Variants in NRCAM observed in about 807,000 individuals in gnomAD.
The protein encoded by NRCAM is NgCAM-related cell adhesion molecule.
Under a neutral mutation model 156.5 loss-of-function variants are expected in NRCAM, and 83 were observed. That is an observed-to-expected ratio of 0.53 (90% CI 0.44 to 0.64). NRCAM has a LOEUF of 0.64. Among genes scored for constraint, NRCAM ranks in the 30% least tolerant of loss-of-function variants. The pLI is 0.00. For synonymous variants in NRCAM, 538 were observed against 563.9 expected, an observed-to-expected ratio of 0.95 and a Z score of 0.65; for missense variants, 1,417 against 1,597.3, an observed-to-expected ratio of 0.89 and a Z score of 1.92.
At chr7:108,337,692 C>A (rs1184938511) in intron 2 of NRCAM, among the ~76,000 whole-genome samples, 1 of 152,114 alleles carries the variant, frequency 6.6e-6, no homozygotes, top group Admixed American at 6.5e-5. Context: ...ATCTGTGAGG[C>A]CAAGAACCCT....
intron 28 of NRCAM, among the ~76,000 whole-genome samples, chr7:108,174,110 T>A (rs1200923573): frequency 6.6e-6 from 1 of 152,218 alleles, no homozygotes; most frequent in African/African-American, 2.4e-5. Flanking sequence ...TGATATCTAA[T>A]TATCATAGGA....
intron 8 of NRCAM, among the ~76,000 whole-genome samples, chr7:108,228,648 A>G (rs1055409598): frequency 3.9e-5 from 6 of 152,230 alleles, no homozygotes; most frequent in African/African-American, 9.6e-5. Flanking sequence ...TGTGAGTGGA[A>G]AAATTAGTTA....
chr7:108,407,246 T>C (rs2154404452), intron 1 of NRCAM, among the ~76,000 whole-genome samples: 1 of 152,350 alleles, frequency 6.6e-6, no homozygotes, highest in East Asian at 1.9e-4. Context: ...TTAAATATTC[T>C]ATAAAATCAT....
intron 3 of NRCAM, among the ~76,000 whole-genome samples, chr7:108,289,967 C>T (rs1206090086): frequency 6.6e-6 from 1 of 152,060 alleles, no homozygotes; most frequent in Non-Finnish European, 1.5e-5. Flanking sequence ...GAGTCTCCTT[C>T]TTTTCAAAAA....
chr7:108,243,362 CG>C (rs2095666732), intron 3 of NRCAM: 1 of 152,142 alleles, frequency 6.6e-6, no homozygotes, highest in Non-Finnish European at 1.5e-5. Context: ...AGATTTCTCT[CG>C]ATGAGAGTAA....
intron 3 of NRCAM, among the ~76,000 whole-genome samples, chr7:108,254,270 C>T (rs1490971319): frequency 6.6e-6 from 1 of 151,950 alleles, no homozygotes; most frequent in Non-Finnish European, 1.5e-5. Flanking sequence ...ACTAAGAAGA[C>T]AAAACAAGTC....
intron 4 of NRCAM, among the ~76,000 whole-genome samples, chr7:108,238,697 C>G (rs1162523369): frequency 6.6e-6 from 1 of 152,112 alleles, no homozygotes; most frequent in Non-Finnish European, 1.5e-5. Flanking sequence ...TCCTGTGTAT[C>G]TGTCAGGGCA....
intron 11 of NRCAM, among the ~76,000 whole-genome samples, chr7:108,218,641 T>TA (rs1268070771): frequency 6.6e-6 from 1 of 152,014 alleles, no homozygotes; most frequent in African/African-American, 2.4e-5. Context: ...AGATGGAAAT[T>TA]AAAAAATTCT....
intron 1 of NRCAM, among the ~76,000 whole-genome samples, chr7:108,420,413 T>C (rs1807898878): frequency 6.6e-6 from 1 of 152,190 alleles, no homozygotes; most frequent in South Asian, 2.1e-4. Context: ...TGGAAACGTC[T>C]TACCAATATA....
intron 1 of NRCAM, among the ~76,000 whole-genome samples, chr7:108,430,364 T>C (rs141642309): frequency 7.8e-4 from 118 of 152,250 alleles, no homozygotes; most frequent in South Asian, 2.7e-3. Context: ...TGATCCGGGA[T>C]AGAACTAGTG....
chr7:108,291,400 CT>C (rs1356430082), intron 3 of NRCAM, among the ~76,000 whole-genome samples: 3 of 152,082 alleles, frequency 2.0e-5, no homozygotes, highest in Non-Finnish European at 4.4e-5. Flanking sequence ...ATGCCTGATG[CT>C]ATATAATTAG....
chr7:108,187,677 C>A (rs572876203), intron 20 of NRCAM, among the ~76,000 whole-genome samples: 1 of 152,044 alleles, frequency 6.6e-6, no homozygotes, highest in African/African-American at 2.4e-5. Flanking sequence ...GGTGGCCGGG[C>A]GCAGTGGCTC....
intron 13 of NRCAM, among the ~76,000 whole-genome samples, chr7:108,198,721 A>G (rs1408164241): frequency 6.6e-6 from 1 of 152,240 alleles, no homozygotes; most frequent in Admixed American, 6.5e-5. Context: ...ATACATAAAC[A>G]CTACGGGGCT....
intron 5 of NRCAM, among the ~76,000 whole-genome samples, chr7:108,236,768 T>C (rs1325741832): frequency 6.6e-6 from 1 of 151,698 alleles, no homozygotes; most frequent in African/African-American, 2.4e-5. Context: ...TGGGAGTATA[T>C]AGAATTTGGG....
At chr7:108,181,964 A>C (rs2153328857) in intron 23 of NRCAM, 27 bp from the exon 24 acceptor site, 1 of 1,515,132 alleles carries the variant, frequency 6.6e-7, no homozygotes, top group Non-Finnish European at 9.2e-7. Flanking sequence ...GAAGTGGTAG[A>C]AGTATCAATG....
intron 2 of NRCAM, among the ~76,000 whole-genome samples, chr7:108,340,256 T>G (rs1170081157): frequency 2.0e-5 from 3 of 152,172 alleles, no homozygotes; most frequent in Non-Finnish European, 4.4e-5. Flanking sequence ...TCCCCGTTTA[T>G]GCCCCCTCCA....
chr7:108,304,699 T>C (rs530276048), intron 3 of NRCAM, among the ~76,000 whole-genome samples: 1 of 152,314 alleles, frequency 6.6e-6, no homozygotes, highest in African/African-American at 2.4e-5. Context: ...CTATAAACAA[T>C]GTTCCCAGCA....
intron 3 of NRCAM, among the ~76,000 whole-genome samples, chr7:108,286,877 T>G (rs1430697646): frequency 6.6e-6 from 1 of 152,184 alleles, no homozygotes; most frequent in Non-Finnish European, 1.5e-5. Flanking sequence ...GTACATTGAG[T>G]TTTTAAATCT....
At position 108,420,452 on chromosome 7, in the gene NRCAM, T is replaced by G. The variant is rs546680671; in HGVS notation, c.-331-20859A>C. On this transcript the variant is annotated intron_variant, in intron 1 of 32. Coordinates refer to ENST00000379028, the MANE Select transcript of NRCAM (RefSeq NM_001037132.4). ...ATTGCTGATCTTTAAAGTAAATAAA[T>G]AGGCGAATAGATTCTTATCCACATT... Among the ~76,000 whole-genome samples the G allele has an allele frequency of 9.8e-4, 150 of 152,294 alleles. 1 individual carries two copies. Among genetic ancestry groups the G allele is most frequent in the Non-Finnish European group, 1.8e-3 (121 of 68,026 alleles).
Sources: allele counts gnomAD v4.1 joint callset (sites outside exome capture counted in the v4.1 genomes callset), GRCh38; gene constraint gnomAD v4.1.1; transcripts MANE v1.5; gene names NCBI Gene and HGNC (gene_info 2026-07-23, HGNC 2026-07-21).